Variants in ERG observed in about 807,000 individuals in gnomAD.
ERG encodes ETS transcription factor ERG, also known as transcriptional regulator ERG.
Under a neutral mutation model 55.3 loss-of-function variants are expected in ERG, and 9 were observed. That is an observed-to-expected ratio of 0.16 (90% CI 0.10 to 0.28). ERG has a LOEUF of 0.28. ERG is among the 10% of genes least tolerant of loss of function. ERG has a pLI of 1.00. For synonymous variants in ERG, 223 were observed against 237.3 expected (o/e 0.94, Z 0.55); for missense variants, 434 against 631.6 (o/e 0.69, Z 3.35).
intron 1 of ERG, among the ~76,000 whole-genome samples, chr21:38,449,676 A>G (rs1002714165): frequency 3.9e-5 from 6 of 152,240 alleles, no homozygotes; most frequent in Admixed American, 6.5e-5. Context: ...ATGCCTTTCT[A>G]TAACAGATGA....
At chr21:38,414,253 G>C (rs1989184663) in intron 3 of ERG, among the ~76,000 whole-genome samples, 1 of 152,176 alleles carries the variant, frequency 6.6e-6, no homozygotes, top group Non-Finnish European at 1.5e-5. Flanking sequence ...GTGTGTCTAT[G>C]TCCAAATTTC....
chr21:38,570,471 G>T (rs1246158170), intron 2 of ERG, among the ~76,000 whole-genome samples: 2 of 152,164 alleles, frequency 1.3e-5, no homozygotes, highest in Non-Finnish European at 2.9e-5. Flanking sequence ...TGCTCATGTT[G>T]CTCCATAGGT....
intron 2 of ERG, among the ~76,000 whole-genome samples, chr21:38,518,216 C>T (rs181327680): frequency 6.6e-6 from 1 of 150,466 alleles, no homozygotes; most frequent in East Asian, 2.0e-4. Flanking sequence ...CACATGTACC[C>T]CATAACTATG....
intron 1 of ERG, among the ~76,000 whole-genome samples, chr21:38,644,955 G>A (rs553236121): frequency 5.6e-4 from 86 of 152,252 alleles, no homozygotes; most frequent in African/African-American, 2.0e-3. Context: ...CCAGGAGTTA[G>A]AGAGCAGCCT....
intron 3 of ERG, among the ~76,000 whole-genome samples, chr21:38,418,394 C>T (rs1989382625): frequency 6.6e-6 from 1 of 151,646 alleles, no homozygotes; most frequent in Non-Finnish European, 1.5e-5. Flanking sequence ...TCAAAGAATC[C>T]TCCCGCCTCA....
rs1411489125 is a variant in ERG at position 38,460,022 on chromosome 21, G to T, written c.19-14401C>A. Among the ~76,000 whole-genome samples, 2 of 152,228 alleles carry T rather than the reference G, an allele frequency of 1.3e-5. No individual in the cohort carries two copies. Among genetic ancestry groups the T allele is most frequent in the Non-Finnish European group, 2.9e-5 (2 of 68,048 alleles). On this transcript the variant is annotated intron_variant, in intron 1 of 9. Coordinates refer to ENST00000288319, the MANE Select transcript of ERG (RefSeq NM_182918.4). The surrounding 1 kb of genome is among the most constrained non-coding windows in gnomAD (Gnocchi z 5.0). ...GAACTAGAGACTCAGGAAAAGAGAG[G>T]TAAACTGCTGCTTTTCATTTAGAGT...
chr21:38,612,231 T>C (rs987673070), intron 1 of ERG, among the ~76,000 whole-genome samples: 2 of 152,202 alleles, frequency 1.3e-5, no homozygotes, highest in Non-Finnish European at 2.9e-5. Flanking sequence ...AAATGGACCT[T>C]CACATTTTCC....
intron 1 of ERG, among the ~76,000 whole-genome samples, chr21:38,449,411 T>C (rs532814997): frequency 6.6e-6 from 1 of 152,330 alleles, no homozygotes; most frequent in South Asian, 2.1e-4. Context: ...GTAGTATTGA[T>C]TATTTCATTT....
intron 3 of ERG, among the ~76,000 whole-genome samples, chr21:38,409,671 C>T (rs1048261089): frequency 3.3e-5 from 5 of 152,024 alleles, no homozygotes; most frequent in East Asian, 3.9e-4. Flanking sequence ...AGCCCAGCCT[C>T]ATCCGACATG....
At chr21:38,424,186 A>ATCTC (rs1989703246) in intron 2 of ERG, among the ~76,000 whole-genome samples, 9 of 34,902 alleles carry the variant, frequency 2.6e-4, no homozygotes, top group African/African-American at 8.7e-4. Context: ...CCAGAGCTCG[A>ATCTC]GCTCTCTCTC....
At chr21:38,528,433 C>CTTTTTTT (rs869069278) in intron 2 of ERG, among the ~76,000 whole-genome samples, 486 of 23,502 alleles carry the variant, frequency 0.021, 194 homozygotes, top group African/African-American at 0.034. Flanking sequence ...CCATAGCAAA[C>CTTTTTTT]TTTTTTTTTT....
At chr21:38,517,927 T>C (rs1280420321) in intron 2 of ERG, among the ~76,000 whole-genome samples, 1 of 151,808 alleles carries the variant, frequency 6.6e-6, no homozygotes, top group Non-Finnish European at 1.5e-5. Flanking sequence ...AGATAGAGAG[T>C]GGAATGATGG....
chr21:38,614,456 T>C (rs2060247237), intron 1 of ERG, among the ~76,000 whole-genome samples: 2 of 152,180 alleles, frequency 1.3e-5, no homozygotes, highest in South Asian at 4.1e-4. Flanking sequence ...TGCCCTGCTC[T>C]TCCTCTTAGG....
chr21:38,630,167 G>C (rs2060348754), intron 1 of ERG, among the ~76,000 whole-genome samples: 1 of 152,146 alleles, frequency 6.6e-6, no homozygotes. Flanking sequence ...GATTTTTAAA[G>C]TTCTGGAAAT....
chr21:38,660,102 C>A (rs1254878585), intron 1 of ERG, among the ~76,000 whole-genome samples: 2 of 152,198 alleles, frequency 1.3e-5, no homozygotes, highest in Non-Finnish European at 2.9e-5. Flanking sequence ...TGCGGGAAGG[C>A]GCCGTCGGGG....
chr21:38,508,012 G>A (rs200111652), intron 2 of ERG, among the ~76,000 whole-genome samples: 27 of 1,830 alleles, frequency 0.015, no homozygotes, highest in African/African-American at 0.022. Context: ...CACACACAGA[G>A]ACACACAAAC....
At chr21:38,652,185 C>T (rs2146987124) in intron 1 of ERG, among the ~76,000 whole-genome samples, 1 of 152,304 alleles carries the variant, frequency 6.6e-6, no homozygotes, top group Non-Finnish European at 1.5e-5. Flanking sequence ...GGTAACACTT[C>T]CACCCTCCAA....
chr21:38,501,061 CTTTTTTTTTTTTT>C (rs34639260), upstream of ERG, among the ~76,000 whole-genome samples: 1 of 81,168 alleles, frequency 1.2e-5, no homozygotes, highest in Non-Finnish European at 2.3e-5. Context: ...CAAGGCACAT[CTTTTTTTTTTTTT>C]TTTTTTTTTT....
rs552320690 is a variant in ERG, at chr21:38,433,699, A to C, written c.237-10138T>G. Among the ~76,000 whole-genome samples the C allele has an allele frequency of 6.1e-3, 930 of 152,308 alleles. 5 individuals are homozygous for C. The highest frequency in any genetic ancestry group is 0.02 in the Middle Eastern group (6 of 294). On this transcript the variant is annotated intron_variant, in intron 2 of 9. Coordinates refer to ENST00000288319, the MANE Select transcript of ERG (RefSeq NM_182918.4). ...TTTATCCAAGAACGGCACTGAATAC[A>C]TCCCAGAGGGGCAGCCCCAAGCTCG... is the stretch of plus-strand genomic sequence containing the variant.
Sources: allele counts gnomAD v4.1 joint callset (sites outside exome capture counted in the v4.1 genomes callset), GRCh38; gene constraint gnomAD v4.1.1; non-coding constraint Gnocchi (gnomAD v3.1); transcripts MANE v1.5; gene names NCBI Gene and HGNC (gene_info 2026-07-23, HGNC 2026-07-21).